LRRC4C: variants seen among roughly 807,000 people sequenced by gnomAD.
The protein encoded by LRRC4C is leucine rich repeat containing 4C, also known as leucine-rich repeat-containing protein 4C.
LRRC4C carries 5 observed loss-of-function variants against 33.6 expected under a neutral mutation model. That is an observed-to-expected ratio of 0.15 (90% CI 0.08 to 0.31). The LOEUF (loss-of-function observed/expected upper bound fraction) is 0.31. Among genes scored for constraint, LRRC4C ranks in the 10% least tolerant of loss-of-function variants. The pLI, the probability that LRRC4C is intolerant of heterozygous loss-of-function variation, is 1.00. For missense variants in LRRC4C, 560 were observed against 796.7 expected (o/e 0.70, Z 3.58); for synonymous variants, 329 against 302.0 (o/e 1.09, Z -0.93).
At chr11:41,198,370 A>T (rs1463630060) in intron 1 of LRRC4C, among the ~76,000 whole-genome samples, 1 of 152,092 alleles carries the variant, frequency 6.6e-6, no homozygotes, top group Non-Finnish European at 1.5e-5. Context: ...AGGTATAAAT[A>T]AAATTATCTC....
At chr11:40,911,766 C>A (rs988892084) in intron 2 of LRRC4C, among the ~76,000 whole-genome samples, 2 of 152,138 alleles carry the variant, frequency 1.3e-5, no homozygotes, top group Non-Finnish European at 2.9e-5. Flanking sequence ...GGAGGAAGTT[C>A]GAACCCATGG....
chr11:40,725,519 A>G (rs929927627), intron 2 of LRRC4C, among the ~76,000 whole-genome samples: 3 of 152,036 alleles, frequency 2.0e-5, no homozygotes, highest in South Asian at 4.1e-4. Flanking sequence ...CTGTTTAAAA[A>G]AAAAAAAAAG....
chr11:41,037,105 G>A (rs765975866), intron 1 of LRRC4C, among the ~76,000 whole-genome samples: 1 of 151,864 alleles, frequency 6.6e-6, no homozygotes, highest in African/African-American at 2.4e-5. Context: ...TTTTCCTTAC[G>A]CAGGCTGGGC....
chr11:41,010,868 T>G (rs1248659193), intron 1 of LRRC4C, among the ~76,000 whole-genome samples: 1 of 152,106 alleles, frequency 6.6e-6, no homozygotes, highest in African/African-American at 2.4e-5. Context: ...AAATGAAACA[T>G]AAACTTGCCA....
At chr11:40,942,868 A>G (rs979242575) in intron 1 of LRRC4C, among the ~76,000 whole-genome samples, 5 of 152,160 alleles carry the variant, frequency 3.3e-5, no homozygotes, top group African/African-American at 9.7e-5. Context: ...TACCAACCAT[A>G]TGAACAGAGC....
chr11:40,965,070 G>A (rs1198337753), intron 1 of LRRC4C, among the ~76,000 whole-genome samples: 2 of 152,048 alleles, frequency 1.3e-5, no homozygotes, highest in East Asian at 1.9e-4. Context: ...ATTCTAACTG[G>A]TGTGAGATGG....
chr11:41,365,941 G>A (rs1270677918), intron 1 of LRRC4C, among the ~76,000 whole-genome samples: 3 of 151,990 alleles, frequency 2.0e-5, no homozygotes, highest in Non-Finnish European at 4.4e-5. Context: ...GTTTTTAATG[G>A]GAATAAAAAT....
chr11:40,633,371 T>TTCTTTCTTTC (rs745929705), intron 3 of LRRC4C, among the ~76,000 whole-genome samples: 39 of 96,322 alleles, frequency 4.0e-4, no homozygotes, highest in African/African-American at 1.1e-3. Context: ...CTTTCTTTCT[T>TTCTTTCTTTC]TCTCTCTCTT....
intron 1 of LRRC4C, among the ~76,000 whole-genome samples, chr11:41,070,422 C>G (rs183322198): frequency 2.0e-5 from 3 of 152,042 alleles, no homozygotes; most frequent in African/African-American, 4.8e-5. Context: ...CAAATGGGAT[C>G]AAATTAAACT....
rs540282162 is a variant in LRRC4C, at chr11:41,136,959, C to T, written c.-495-203236G>A. On this transcript the variant is annotated intron_variant, in intron 1 of 6. Coordinates refer to ENST00000528697, the MANE Select transcript of LRRC4C (RefSeq NM_001258419.2). ...TTTGGTTTCAACTGGCTTAAAAGTG[C>T]CCTTTAGGCTGGGTGCGGCAACTCA... Among the ~76,000 whole-genome samples, 27 of 152,070 alleles carry T rather than the reference C, an allele frequency of 1.8e-4. No individual in the cohort carries two copies. The East Asian group carries it at 4.8e-3, about 27-fold the overall frequency.
intron 2 of LRRC4C, among the ~76,000 whole-genome samples, chr11:40,767,531 A>T (rs1185657601): frequency 6.6e-6 from 1 of 152,126 alleles, no homozygotes; most frequent in Non-Finnish European, 1.5e-5. Context: ...CATACTTTTC[A>T]TCATCACATA....
At chr11:41,299,913 T>C (rs969475431) in intron 1 of LRRC4C, among the ~76,000 whole-genome samples, 3 of 152,106 alleles carry the variant, frequency 2.0e-5, no homozygotes, top group Non-Finnish European at 4.4e-5. Context: ...ATGGTTGATA[T>C]ATATAGGAAA....
chr11:40,308,644 CTT>C (rs898052787), intron 4 of LRRC4C, among the ~76,000 whole-genome samples: 2 of 151,674 alleles, frequency 1.3e-5, no homozygotes, highest in Admixed American at 6.6e-5. Flanking sequence ...CAACCACAAA[CTT>C]TTTTTTTCCA....
At chr11:41,319,464 T>C (rs1950891062) in intron 1 of LRRC4C, among the ~76,000 whole-genome samples, 1 of 152,206 alleles carries the variant, frequency 6.6e-6, no homozygotes, top group Non-Finnish European at 1.5e-5. Context: ...TGCCACAGTC[T>C]ATATTTTTCA....
rs180888200 is a variant in LRRC4C, at chr11:40,935,707, T to G, written c.-495-1984A>C. 2.6e-4 allele frequency among the ~76,000 whole-genome samples: 39 copies of G among 152,096 alleles called. 1 individual carries two copies. The highest frequency in any genetic ancestry group is 2.0e-3 in the Admixed American group (30 of 15,250). On this transcript the variant is annotated intron_variant, in intron 1 of 6. Transcript: ENST00000528697. ...GAATGAAATTGCCTAATGACACATA[T>G]TTTTAGAATGTATTCCCAAGAGAAA... is the stretch of plus-strand genomic sequence containing the variant.
intron 2 of LRRC4C, among the ~76,000 whole-genome samples, chr11:40,812,847 C>G (rs1441333855): frequency 6.6e-6 from 1 of 151,614 alleles, no homozygotes; most frequent in Non-Finnish European, 1.5e-5. Context: ...AACACATCTG[C>G]AAAACATTTG....
At chr11:40,510,110 A>G (rs1347332054) in intron 3 of LRRC4C, among the ~76,000 whole-genome samples, 3 of 151,780 alleles carry the variant, frequency 2.0e-5, no homozygotes, top group Non-Finnish European at 2.9e-5. Context: ...AATTACTTAC[A>G]TGACAAAAGC....
At chr11:41,240,456 A>C (rs1422118865) in intron 1 of LRRC4C, among the ~76,000 whole-genome samples, 1 of 152,150 alleles carries the variant, frequency 6.6e-6, no homozygotes, top group African/African-American at 2.4e-5. Flanking sequence ...TTTTTTCTGA[A>C]ATATTAAAGA....
At chr11:41,355,686 G>T (rs977041339) in intron 1 of LRRC4C, among the ~76,000 whole-genome samples, 1 of 151,722 alleles carries the variant, frequency 6.6e-6, no homozygotes, top group Non-Finnish European at 1.5e-5. Context: ...TATCACATAC[G>T]GTATTTCTAA....
Sources: allele counts gnomAD v4.1 joint callset (sites outside exome capture counted in the v4.1 genomes callset), GRCh38; gene constraint gnomAD v4.1.1; transcripts MANE v1.5; gene names NCBI Gene and HGNC (gene_info 2026-07-23, HGNC 2026-07-21).